KCNH5: variants seen among roughly 807,000 people sequenced by gnomAD.
KCNH5 encodes potassium voltage-gated channel subfamily H member 5.
In KCNH5, 46 loss-of-function variants were observed where a neutral mutation model predicts 96.1. The observed-to-expected ratio is 0.48, with a 90% CI of 0.38 to 0.61. The LOEUF (loss-of-function observed/expected upper bound fraction) is 0.61. Among genes scored for constraint, KCNH5 ranks in the 20% least tolerant of loss-of-function variants. KCNH5 has a pLI of 0.00. For missense variants in KCNH5, 907 were observed against 1,225.8 expected (o/e 0.74, Z 3.88); for synonymous variants, 439 against 449.8 (o/e 0.98, Z 0.30).
chr14:62,843,569 G>A lies in KCNH5; in HGVS notation c.1569+6084C>T, dbSNP rs547360954. On this transcript the variant is annotated intron_variant, in intron 8 of 10. Coordinates refer to ENST00000322893, the MANE Select transcript of KCNH5 (RefSeq NM_139318.5). The stretch of plus-strand genomic sequence containing the variant: ...TGGGACTACAGGCGTGCACCACCAC[G>A]CCCAGCTAATTTTTGTATTTTTAGT... Among the ~76,000 whole-genome samples the A allele has an allele frequency of 5.3e-5, 8 of 151,776 alleles. No individual in the cohort carries two copies. In the East Asian group the frequency reaches 7.8e-4, roughly 15 times the overall value.
intron 8 of KCNH5, among the ~76,000 whole-genome samples, chr14:62,847,215 G>C (rs1595653037): frequency 6.7e-6 from 1 of 149,718 alleles, no homozygotes; most frequent in African/African-American, 2.4e-5. Context: ...ACAGGCATAG[G>C]AGTCTTCTGC....
chr14:63,014,005 T>C (rs1333009938), intron 2 of KCNH5, among the ~76,000 whole-genome samples: 2 of 152,190 alleles, frequency 1.3e-5, no homozygotes, highest in Non-Finnish European at 2.9e-5. Flanking sequence ...TATTTGTTCA[T>C]ATATCAGATG....
At chr14:62,816,819 G>A (rs930867174) in intron 8 of KCNH5, among the ~76,000 whole-genome samples, 2 of 151,514 alleles carry the variant, frequency 1.3e-5, no homozygotes, top group African/African-American at 4.8e-5. Flanking sequence ...ATTTCCATAA[G>A]CTCTCTTCAC....
At chr14:62,709,000 C>T (rs1884506483) in intron 10 of KCNH5, among the ~76,000 whole-genome samples, 1 of 151,750 alleles carries the variant, frequency 6.6e-6, no homozygotes, top group African/African-American at 2.4e-5. Context: ...AATCCCAGCA[C>T]TTTGGGAGGC....
At chr14:62,972,773 A>G (rs185024210) in intron 6 of KCNH5, among the ~76,000 whole-genome samples, 1 of 152,218 alleles carries the variant, frequency 6.6e-6, no homozygotes, top group Admixed American at 6.5e-5. Flanking sequence ...GCTACAAACT[A>G]TCTGATTCTA....
rs535561951 is a variant in KCNH5 at position 62,969,728 on chromosome 14, C to T, written c.942+11144G>A. 7.3e-5 allele frequency among the ~76,000 whole-genome samples: 11 copies of T among 150,136 alleles called. No homozygotes were observed. In the South Asian group the frequency reaches 1.5e-3, roughly 20 times the overall value. On this transcript the variant is annotated intron_variant, in intron 6 of 10. Coordinates refer to ENST00000322893, the MANE Select transcript of KCNH5 (RefSeq NM_139318.5). ...CTGTAACAGACCTGCCTGTCCTGCA[C>T]GTGTATCCCAGAACTTAAAATAAAA...
chr14:62,836,789 G>A (rs1458458791), intron 8 of KCNH5, among the ~76,000 whole-genome samples: 4 of 151,990 alleles, frequency 2.6e-5, no homozygotes, highest in African/African-American at 9.7e-5. Context: ...AGTTTCATGA[G>A]GGCAAGGACC....
intron 1 of KCNH5, among the ~76,000 whole-genome samples, chr14:63,026,579 A>C (rs1002061403): frequency 6.6e-6 from 1 of 152,164 alleles, no homozygotes; most frequent in African/African-American, 2.4e-5. Flanking sequence ...GATGAAATGC[A>C]AAGAGCTAAC....
chr14:62,780,453 C>G (rs1886186356), intron 9 of KCNH5, among the ~76,000 whole-genome samples: 1 of 152,078 alleles, frequency 6.6e-6, no homozygotes, highest in Non-Finnish European at 1.5e-5. Context: ...CCCTCTCTAC[C>G]TAGTCAACCT....
chr14:62,877,827 C>T (rs1888407320), intron 7 of KCNH5, among the ~76,000 whole-genome samples: 1 of 151,796 alleles, frequency 6.6e-6, no homozygotes, highest in Non-Finnish European at 1.5e-5. Context: ...CCATTTGATC[C>T]AGCCATCCCA....
intron 6 of KCNH5, among the ~76,000 whole-genome samples, chr14:62,965,094 T>G (rs1480207315): frequency 6.6e-6 from 1 of 151,818 alleles, no homozygotes; most frequent in African/African-American, 2.4e-5. Flanking sequence ...GAGAGAGAGG[T>G]GAATAGATGC....
intron 7 of KCNH5, among the ~76,000 whole-genome samples, chr14:62,859,296 A>G (rs1595658592): frequency 1.3e-5 from 2 of 152,168 alleles, no homozygotes; most frequent in African/African-American, 2.4e-5. Context: ...CCATAGCCAG[A>G]TCAGCCTTGG....
chr14:62,957,399 G>T (rs758362853), intron 6 of KCNH5, among the ~76,000 whole-genome samples: 19 of 152,136 alleles, frequency 1.2e-4, no homozygotes, highest in Non-Finnish European at 2.8e-4. Context: ...GAAAGAGCAG[G>T]AATACAGACT....
chr14:63,044,980 A>T (rs1464957171), intron 1 of KCNH5, 134 bp downstream of exon 1: 1 of 718,590 alleles, frequency 1.4e-6, no homozygotes, highest in Admixed American at 2.2e-5. Context: ...ATCCAGCCCA[A>T]CTGGTAAATG....
chr14:62,746,372 C>T (rs1296502954), intron 10 of KCNH5, among the ~76,000 whole-genome samples: 8 of 152,120 alleles, frequency 5.3e-5, no homozygotes, highest in Non-Finnish European at 1.2e-4. Context: ...ATGCTTTGCC[C>T]TCAAGTTGCA....
At chr14:62,910,690 C>G (rs890206111) in intron 7 of KCNH5, among the ~76,000 whole-genome samples, 4 of 152,116 alleles carry the variant, frequency 2.6e-5, no homozygotes, top group Non-Finnish European at 5.9e-5. Flanking sequence ...AAATGTTTCT[C>G]CCTCTCTCTC....
chr14:62,817,396 A>G, intron 8 of KCNH5, among the ~76,000 whole-genome samples: 1 of 149,274 alleles, frequency 6.7e-6, no homozygotes, highest in South Asian at 2.1e-4. Flanking sequence ...CAATGAACAC[A>G]GTGAAAAATG....
chr14:62,837,096 C>T (rs909707408), intron 8 of KCNH5, among the ~76,000 whole-genome samples: 1 of 152,170 alleles, frequency 6.6e-6, no homozygotes, highest in Admixed American at 6.6e-5. Flanking sequence ...TAGAGATGGG[C>T]ACAGTCCCTA....
chr14:62,778,343 C>A (rs116525740), intron 10 of KCNH5, among the ~76,000 whole-genome samples: 2 of 151,798 alleles, frequency 1.3e-5, no homozygotes, highest in South Asian at 2.1e-4. Context: ...TGCATTTGGG[C>A]AAAAAAAATT....
Sources: gnomAD v4.1 joint callset for allele counts (sites outside exome capture counted in the v4.1 genomes callset) on GRCh38, gnomAD v4.1.1 for gene constraint, MANE v1.5 for transcripts, NCBI Gene and HGNC (gene_info 2026-07-23, HGNC 2026-07-21) for gene names.